The following PDE10A variants were observed in gnomAD, a reference collection of about 807,000 sequenced individuals.
PDE10A encodes the protein phosphodiesterase 10A.
PDE10A carries 39 observed loss-of-function variants against 97.7 expected under a neutral mutation model. The observed-to-expected ratio is 0.40, with a 90% CI of 0.31 to 0.52. The LOEUF is 0.52. PDE10A is among the 20% of genes least tolerant of loss of function. The pLI is 0.56. For synonymous variants in PDE10A, 371 were observed against 376.8 expected (o/e 0.98, Z 0.18); for missense variants, 731 against 1,047.8 (o/e 0.70, Z 4.17).
At chr6:165,366,937 A>T (rs768645341) in intron 18 of PDE10A, among the ~76,000 whole-genome samples, 1 of 152,206 alleles carries the variant, frequency 6.6e-6, no homozygotes, top group East Asian at 1.9e-4. Context: ...CTTGTTGCCC[A>T]TTATGTAATA....
intron 13 of PDE10A, among the ~76,000 whole-genome samples, chr6:165,402,160 A>G (rs1786718062): frequency 6.6e-6 from 1 of 152,306 alleles, no homozygotes; most frequent in East Asian, 1.9e-4. Context: ...CAAGATAGTT[A>G]TTCCTTTTAT....
At position 165,550,568 on chromosome 6, in the gene PDE10A, T is replaced by G. The variant is rs1365302772; in HGVS notation, c.866-7000A>C. ...TGGGTGAATGAGTACAAATGTTTAG[T>G]TTGAAGAACACAAGATTATTGATGG... On this transcript the variant is annotated intron_variant, in intron 1 of 21. Coordinates refer to ENST00000539869, the MANE Select transcript of PDE10A (RefSeq NM_001385079.1). 3.3e-5 allele frequency among the ~76,000 whole-genome samples: 5 copies of G among 152,312 alleles called. No individual in the cohort carries two copies. In the South Asian group the frequency reaches 8.3e-4, roughly 25 times the overall value.
intron 1 of PDE10A, among the ~76,000 whole-genome samples, chr6:165,653,918 C>T (rs1173494948): frequency 6.6e-6 from 1 of 152,138 alleles, no homozygotes. Context: ...GATCCTCCTA[C>T]TCTACGAGCC....
chr6:165,529,718 T>A (rs139566267), intron 2 of PDE10A, among the ~76,000 whole-genome samples: 1 of 152,338 alleles, frequency 6.6e-6, no homozygotes, highest in African/African-American at 2.4e-5. Flanking sequence ...TATTGTTCAC[T>A]TTATGGAATA....
chr6:165,419,285 T>A (rs78487725), intron 10 of PDE10A, among the ~76,000 whole-genome samples: 2,262 of 152,312 alleles, frequency 0.015, 59 homozygotes, highest in African/African-American at 0.052. Flanking sequence ...GGCTTTCATA[T>A]TTGCATTAGC....
chr6:165,579,993 T>C (rs534813519), intron 1 of PDE10A, among the ~76,000 whole-genome samples: 2 of 152,294 alleles, frequency 1.3e-5, no homozygotes, highest in Non-Finnish European at 2.9e-5. Context: ...CCTCACTCTG[T>C]TCTACATCAT....
chr6:165,879,108 T>C (rs1399343408), intron 1 of PDE10A, among the ~76,000 whole-genome samples: 1 of 152,228 alleles, frequency 6.6e-6, no homozygotes, highest in Non-Finnish European at 1.5e-5. Flanking sequence ...CTGGATATAA[T>C]GTCTCCCAGC....
chr6:165,411,330 C>T (rs566587168), intron 13 of PDE10A, among the ~76,000 whole-genome samples: 12 of 151,994 alleles, frequency 7.9e-5, no homozygotes, highest in African/African-American at 2.9e-4. Flanking sequence ...GAGATAGGGC[C>T]TTTAAAGAGG....
At chr6:165,461,246 T>C (rs1050695084) in intron 3 of PDE10A, among the ~76,000 whole-genome samples, 1 of 152,188 alleles carries the variant, frequency 6.6e-6, no homozygotes, top group African/African-American at 2.4e-5. Flanking sequence ...TTCCAAAAAA[T>C]TGGCCTTTAA....
chr6:165,683,425 C>T (rs544016060), intron 1 of PDE10A, among the ~76,000 whole-genome samples: 2 of 152,120 alleles, frequency 1.3e-5, no homozygotes, highest in African/African-American at 2.4e-5. Context: ...CTCAAGCACA[C>T]ACACACACGC....
Position 165,328,074 on chromosome 6 carries a change from G to A in PDE10A, c.*4951C>T, listed in dbSNP as rs1408399246. 1 of 152,190 alleles carries A rather than the reference G, an allele frequency of 6.6e-6. No individual in the cohort carries two copies. Among genetic ancestry groups the A allele is most frequent in the Admixed American group, 6.5e-5 (1 of 15,284 alleles). The allele number at this position is 152,190 out of a possible 1,614,324, so 9.4% of individuals were successfully genotyped here. A position where few individuals can be genotyped will look rare whatever the true frequency, so the allele number is the denominator to read the frequency against. Reference sequence around the variant, plus strand: ...AACTATTTCACAGTGTGTTGGGCAAGCATGTAATTTCAAATAGGTAGGGGC... The same window carrying A: ...AACTATTTCACAGTGTGTTGGGCAAACATGTAATTTCAAATAGGTAGGGGC... On this transcript the variant is annotated 3_prime_UTR_variant, in exon 22 of 22. Coordinates refer to ENST00000539869, the MANE Select transcript of PDE10A (RefSeq NM_001385079.1).
Position 165,363,802 on chromosome 6 carries a change from G to A in PDE10A, c.2783+15392C>T, listed in dbSNP as rs1211510011. 5.3e-5 allele frequency among the ~76,000 whole-genome samples: 8 copies of A among 152,006 alleles called. No individual in the cohort carries two copies. The East Asian group carries it at 1.5e-3, about 29-fold the overall frequency. On this transcript the variant is annotated intron_variant, in intron 18 of 21. Transcript: ENST00000539869. Reference sequence around the variant, plus strand: ...TATTATCAAAACAATAAAATCCTTAGTAATAAATTTAACAATAGAAGTACA... The same window carrying A: ...TATTATCAAAACAATAAAATCCTTAATAATAAATTTAACAATAGAAGTACA...
intron 1 of PDE10A, among the ~76,000 whole-genome samples, chr6:165,953,769 G>A (rs376933177): frequency 5.3e-5 from 8 of 152,182 alleles, no homozygotes; most frequent in South Asian, 2.1e-4. Context: ...ACTAAAGTGC[G>A]TAGCTTACAT....
intron 1 of PDE10A, among the ~76,000 whole-genome samples, chr6:165,598,893 G>C (rs1205877486): frequency 6.6e-6 from 1 of 152,098 alleles, no homozygotes; most frequent in Non-Finnish European, 1.5e-5. Flanking sequence ...GAGGGGACGG[G>C]GTCAGGACTT....
chr6:165,600,998 C>T (rs902099899), intron 1 of PDE10A, among the ~76,000 whole-genome samples: 6 of 152,212 alleles, frequency 3.9e-5, no homozygotes, highest in African/African-American at 1.4e-4. Context: ...GCTACGTCCC[C>T]ACCCAAATCT....
intron 1 of PDE10A, among the ~76,000 whole-genome samples, chr6:165,837,927 C>T (rs182870123): frequency 5.3e-5 from 8 of 152,158 alleles, no homozygotes; most frequent in African/African-American, 1.7e-4. Context: ...CCTCGTGATC[C>T]GCCTGCCTCG....
At chr6:165,722,604 T>C (rs1298876460) in intron 1 of PDE10A, among the ~76,000 whole-genome samples, 2 of 152,210 alleles carry the variant, frequency 1.3e-5, no homozygotes, top group Non-Finnish European at 2.9e-5. Flanking sequence ...GAGCGTGCTC[T>C]CTATCTCTCT....
At chr6:165,467,296 G>C (rs1047181365) in intron 3 of PDE10A, among the ~76,000 whole-genome samples, 5 of 152,220 alleles carry the variant, frequency 3.3e-5, no homozygotes, top group Non-Finnish European at 7.3e-5. Flanking sequence ...GGATGAAAGT[G>C]GCTATCCTAG....
At chr6:165,387,153 T>C (rs1045995007) in intron 17 of PDE10A, among the ~76,000 whole-genome samples, 10 of 152,224 alleles carry the variant, frequency 6.6e-5, no homozygotes, top group Non-Finnish European at 7.3e-5. Flanking sequence ...ACGACCAAAC[T>C]GAACCATGAG....
Sources: gnomAD v4.1 joint callset for allele counts (sites outside exome capture counted in the v4.1 genomes callset) on GRCh38, gnomAD v4.1.1 for gene constraint, MANE v1.5 for transcripts, NCBI Gene and HGNC (gene_info 2026-07-23, HGNC 2026-07-21) for gene names.